The following BLVRB variants were observed in gnomAD, a reference collection of about 807,000 sequenced individuals.
BLVRB encodes biliverdin reductase B, also known as flavin reductase (NADPH).
A neutral mutation model predicts 21.1 loss-of-function variants in BLVRB; 25 were observed. The ratio of observed to expected loss-of-function variants is 1.19; its 90% CI spans 0.86 to 1.66. The LOEUF is 1.66. BLVRB is among the 40% of genes most tolerant of loss of function. The pLI, the probability that BLVRB is intolerant of heterozygous loss-of-function variation, is 0.00. For missense variants in BLVRB, 274 were observed against 282.7 expected, an observed-to-expected ratio of 0.97 and a Z score of 0.22; for synonymous variants, 128 against 122.2, an observed-to-expected ratio of 1.05 and a Z score of -0.31.
intron 3 of BLVRB, 104 bp downstream of exon 3, chr19:40,458,051 T>C (rs2079769202): frequency 8.8e-7 from 1 of 1,131,662 alleles, no homozygotes; most frequent in Non-Finnish European, 1.3e-6. Flanking sequence ...GTTCAGTAAA[T>C]GCACAGTAAC....
At chr19:40,455,476 G>C (rs2079758437) in intron 3 of BLVRB, among the ~76,000 whole-genome samples, 2 of 151,944 alleles carry the variant, frequency 1.3e-5, no homozygotes, top group African/African-American at 4.8e-5. Flanking sequence ...TGGGAGGCCA[G>C]ATCACTTGAG....
chr19:40,461,005 A>G (rs2079785089), intron 1 of BLVRB, among the ~76,000 whole-genome samples: 2 of 150,748 alleles, frequency 1.3e-5, no homozygotes, highest in South Asian at 4.2e-4. Flanking sequence ...ACAAACAACA[A>G]CAACAACAAT....
At position 40,451,445 on chromosome 19, in the gene BLVRB, C is replaced by T. The variant is rs767550033; in HGVS notation, c.382G>A (p.Val128Met). The T allele has an allele frequency of 6.2e-7, 1 of 1,613,246 alleles. No individual in the cohort carries two copies. Among genetic ancestry groups the T allele is most frequent in the Admixed American group, 1.7e-5 (1 of 59,888 alleles). Residue 128 changes from valine to methionine, a missense_variant, in exon 4 of 5, where the codon GTG becomes ATG. Val to Met is a conservative substitution (Grantham distance 21, BLOSUM62 1). Transcript: ENST00000263368. The stretch of plus-strand genomic sequence containing the variant: ...TGCATCCGGATGTGGTCATCAGTCA[C>T]AGCCTGCAGTCGTGGGGGCACCTTG... ...PTKVPPRLQA[V>M]TDDHIRMHKV...
At position 40,458,186 on chromosome 19, in the gene BLVRB, A is replaced by G. The variant is rs768471398; in HGVS notation, c.303T>C (p.His101=). ...TGCAGGCCACGACCTTGTCCACACC[A>G]TGAGCCTTCATGGCTGCCACAATGT... The part of the protein sequence containing the change: ...ARNIVAAMKA[H]GVDKVVACTS... Residue 101 remains histidine, a synonymous_variant, in exon 3 of 5, where the codon CAT becomes CAC. Transcript: ENST00000263368. 1 of 1,613,902 alleles carries G rather than the reference A, an allele frequency of 6.2e-7. No individual in the cohort carries two copies. The highest frequency in any genetic ancestry group is 1.7e-5 in the Admixed American group (1 of 59,984).
At chr19:40,458,307 C>T (rs999969106) in intron 2 of BLVRB, 63 bp from the exon 3 acceptor site, 44 of 376,916 alleles carry the variant, frequency 1.2e-4, no homozygotes, top group African/African-American at 4.8e-4. Context: ...GTGGCAGGGG[C>T]GGGGCCGGGG....
intron 3 of BLVRB, among the ~76,000 whole-genome samples, chr19:40,452,381 C>T (rs910791728): frequency 6.6e-5 from 10 of 152,272 alleles, no homozygotes; most frequent in Admixed American, 3.3e-4. Context: ...GGCGTGAACA[C>T]GGCTCACTGC....
chr19:40,453,300 G>A (rs145331442), intron 3 of BLVRB, among the ~76,000 whole-genome samples: 1 of 152,132 alleles, frequency 6.6e-6, no homozygotes, highest in African/African-American at 2.4e-5. Flanking sequence ...TGACTGTCCT[G>A]TTTAAAATTG....
intron 1 of BLVRB, among the ~76,000 whole-genome samples, chr19:40,460,247 CATATATAT>C (rs57153004): frequency 0.16 from 19,018 of 121,422 alleles, 2,038 homozygotes; most frequent in African/African-American, 0.18. Context: ...GTAATAGCAA[CATATATAT>C]ATATATATAT....
At chr19:40,462,127 T>C (rs556718072) in intron 1 of BLVRB, among the ~76,000 whole-genome samples, 5 of 152,306 alleles carry the variant, frequency 3.3e-5, no homozygotes, top group East Asian at 3.9e-4. Flanking sequence ...TCTTCCGTGA[T>C]TGGACCTCAG....
intron 3 of BLVRB, 128 bp downstream of exon 3, chr19:40,458,027 G>T: frequency 1.1e-6 from 1 of 925,780 alleles, no homozygotes; most frequent in Non-Finnish European, 1.7e-6. Flanking sequence ...GTAAGGTTCA[G>T]GCACACAGCT....
intron 1 of BLVRB, among the ~76,000 whole-genome samples, chr19:40,462,133 C>T (rs2079790193): frequency 6.6e-6 from 1 of 152,188 alleles, no homozygotes; most frequent in Non-Finnish European, 1.5e-5. Context: ...GTGATTGGAC[C>T]TCAGCTTCCT....
At chr19:40,455,278 T>C (rs1184668551) in intron 3 of BLVRB, among the ~76,000 whole-genome samples, 1 of 152,190 alleles carries the variant, frequency 6.6e-6, no homozygotes, top group East Asian at 1.9e-4. Context: ...CATTTGAATA[T>C]GGAGGGAAGA....
At chr19:40,449,569 G>A (rs1219223312) in intron 4 of BLVRB, among the ~76,000 whole-genome samples, 1 of 152,052 alleles carries the variant, frequency 6.6e-6, no homozygotes, top group Non-Finnish European at 1.5e-5. Context: ...ATTTTACTAC[G>A]GAGTGGATAC....
At chr19:40,462,525 A>G (rs1405195046) in intron 1 of BLVRB, among the ~76,000 whole-genome samples, 1 of 149,614 alleles carries the variant, frequency 6.7e-6, no homozygotes, top group South Asian at 2.1e-4. Flanking sequence ...TGATCCGCCC[A>G]CCTTGGCCTC....
intron 1 of BLVRB, among the ~76,000 whole-genome samples, chr19:40,461,866 G>T (rs1036264918): frequency 6.6e-6 from 1 of 152,096 alleles, no homozygotes; most frequent in Non-Finnish European, 1.5e-5. Flanking sequence ...CTTTGCACGT[G>T]CTGTGCCCTC....
chr19:40,465,517 G>A, intron 1 of BLVRB, 93 bp downstream of exon 1: 2 of 1,470,922 alleles, frequency 1.4e-6, no homozygotes, highest in South Asian at 1.2e-5. Context: ...GGGCGCTCAT[G>A]GCCCCAATCA....
chr19:40,458,484 CG>C lies in BLVRB; in HGVS notation c.140del (p.Pro47ArgfsTer5), dbSNP rs772030200. On this transcript the variant is annotated frameshift_variant, in exon 2 of 5. Coordinates refer to ENST00000263368, the MANE Select transcript of BLVRB (RefSeq NM_000713.3). LOFTEE classifies it high-confidence loss of function. ...GAACATCTCCCACTACCACGTGGGC[CG>C]GCCGGGGCCCCTCTGATGGCAGCCT... is the stretch of plus-strand genomic sequence containing the variant. Reference protein sequence around the residue: ...SSRLPSEGPRPAHVVVGDVLQ... With the variant: ...SSRLPSEGPRXAHVVVGDVLQ... The C allele has an allele frequency of 1.2e-6, 2 of 1,609,826 alleles. No homozygotes were observed. Among genetic ancestry groups the C allele is most frequent in the African/African-American group, 2.7e-5 (2 of 74,876 alleles).
chr19:40,448,772 G>A (rs2079726360), intron 4 of BLVRB, among the ~76,000 whole-genome samples: 1 of 150,584 alleles, frequency 6.6e-6, no homozygotes, highest in South Asian at 2.1e-4. Context: ...TTGGCTGTGT[G>A]TTTGCTTGGG....
chr19:40,450,903 C>T (rs2079736922), intron 4 of BLVRB, among the ~76,000 whole-genome samples: 3 of 151,440 alleles, frequency 2.0e-5, no homozygotes, highest in Admixed American at 1.3e-4. Context: ...ATCTCTATCT[C>T]CCATACTAGA....
Sources: gnomAD v4.1 joint callset for allele counts (sites outside exome capture counted in the v4.1 genomes callset) on GRCh38, gnomAD v4.1.1 for gene constraint, MANE v1.5 for transcripts, NCBI Gene and HGNC (gene_info 2026-07-23, HGNC 2026-07-21) for gene names.